The following NIM1K variants were observed in gnomAD, a reference collection of about 807,000 sequenced individuals.
The protein encoded by NIM1K is serine/threonine-protein kinase NIM1.
NIM1K carries 35 observed loss-of-function variants against 37.1 expected under a neutral mutation model. The ratio of observed to expected loss-of-function variants is 0.94; its 90% CI spans 0.72 to 1.25. The LOEUF is 1.25. Ranked by LOEUF, NIM1K falls within the 50% of genes most tolerant of loss-of-function variation. The pLI is 0.00. For missense variants in NIM1K, 564 were observed against 548.0 expected, an observed-to-expected ratio of 1.03 and a Z score of -0.29; for synonymous variants, 234 against 206.6, an observed-to-expected ratio of 1.13 and a Z score of -1.14.
chr5:43,280,639 G>A lies in NIM1K; in HGVS notation c.1221G>A (p.Met407Ile), dbSNP rs1396334831. Residue 407 changes from methionine to isoleucine, a missense_variant, in exon 4 of 4, where the codon ATG (methionine) becomes ATA (isoleucine). By Grantham distance (10) the Met-to-Ile change is conservative. Coordinates refer to ENST00000326035, the MANE Select transcript of NIM1K (RefSeq NM_153361.4). The stretch of plus-strand genomic sequence containing the variant: ...CTTTGGAAAGTGTCCCAGTCATGAT[G>A]CTACCAGACCCTAAAGAAAGAGACC... ...KKALESVPVM[M>I]LPDPKERDLK... 6.2e-6 allele frequency: 10 copies of A among 1,613,954 alleles called. No individual in the cohort carries two copies. Among genetic ancestry groups the A allele is most frequent in the Non-Finnish European group, 8.5e-6 (10 of 1,180,026 alleles).
intron 1 of NIM1K, among the ~76,000 whole-genome samples, chr5:43,240,608 A>G (rs1434320968): frequency 6.9e-6 from 1 of 145,664 alleles, no homozygotes; most frequent in East Asian, 2.0e-4. Context: ...CAGTGGCATG[A>G]TCTTGGCTCA....
chr5:43,273,334 G>T (rs997723751), intron 2 of NIM1K, among the ~76,000 whole-genome samples: 1 of 151,862 alleles, frequency 6.6e-6, no homozygotes, highest in Non-Finnish European at 1.5e-5. Context: ...CTCCCAAGTA[G>T]CCAGAATTAC....
chr5:43,242,635 T>C (rs2112258753), intron 1 of NIM1K, among the ~76,000 whole-genome samples: 1 of 152,024 alleles, frequency 6.6e-6, no homozygotes, highest in South Asian at 2.1e-4. Context: ...TAGGATAGTG[T>C]TAGTAGTTAA....
chr5:43,262,829 T>G (rs1311627000), intron 2 of NIM1K, among the ~76,000 whole-genome samples: 1 of 152,168 alleles, frequency 6.6e-6, no homozygotes, highest in Non-Finnish European at 1.5e-5. Context: ...GGTTGTTGAA[T>G]TTTGTCAAAG....
chr5:43,268,493 G>A (rs1753204310), intron 2 of NIM1K, among the ~76,000 whole-genome samples: 1 of 152,166 alleles, frequency 6.6e-6, no homozygotes, highest in Admixed American at 6.5e-5. Context: ...TCACTTCTGT[G>A]GGGCCACAGG....
chr5:43,270,163 A>G (rs1052845338), intron 2 of NIM1K, among the ~76,000 whole-genome samples: 3 of 152,208 alleles, frequency 2.0e-5, no homozygotes, highest in Non-Finnish European at 4.4e-5. Flanking sequence ...CTGTTTAAGG[A>G]GGCTAAAGAT....
rs782991 is a variant in NIM1K, at chr5:43,221,976, C to T, written c.-694-23106C>T. On this transcript the variant is annotated intron_variant, in intron 1 of 3. Transcript: ENST00000326035. ...AGATGCTCAGTAAATGTTGAATAAA[C>T]GGATGAAGCATTCTGTGGTTAGTGC... Among the ~76,000 whole-genome samples, 1,244 of 152,316 alleles carry T rather than the reference C, an allele frequency of 8.2e-3. 15 individuals are homozygous for T. The highest frequency in any genetic ancestry group is 0.023 in the African/African-American group (943 of 41,570).
Position 43,280,611 on chromosome 5 carries a change from A to G in NIM1K, c.1193A>G (p.Lys398Arg). The G allele has an allele frequency of 6.2e-7, 1 of 1,614,168 alleles. No individual in the cohort carries two copies. Among genetic ancestry groups the G allele is most frequent in the Middle Eastern group, 1.6e-4 (1 of 6,062 alleles). Residue 398 changes from lysine (K) to arginine (R), a missense_variant, in exon 4 of 4, where the codon AAG becomes AGG. Lys to Arg is a conservative substitution (Grantham distance 26). Coordinates refer to ENST00000326035, the MANE Select transcript of NIM1K (RefSeq NM_153361.4). The stretch of plus-strand genomic sequence containing the variant: ...ATTTTACATAGAGTCCAAAGGAAGA[A>G]GGCTTTGGAAAGTGTCCCAGTCATG... The part of the protein sequence containing the change: ...RIILHRVQRK[K>R]ALESVPVMML...
chr5:43,264,394 T>C (rs112904584), intron 2 of NIM1K, among the ~76,000 whole-genome samples: 429 of 152,324 alleles, frequency 2.8e-3, no homozygotes, highest in African/African-American at 9.1e-3. Flanking sequence ...TTTGTCTCTT[T>C]TGATCTTTGT....
intron 2 of NIM1K, among the ~76,000 whole-genome samples, chr5:43,250,612 A>G (rs905271984): frequency 2.6e-5 from 4 of 152,238 alleles, no homozygotes; most frequent in African/African-American, 9.6e-5. Flanking sequence ...TTGCTTTTCA[A>G]TAGTCTAGAG....
intron 3 of NIM1K, among the ~76,000 whole-genome samples, chr5:43,278,997 A>T (rs1427125046): frequency 6.6e-6 from 1 of 152,216 alleles, no homozygotes; most frequent in Non-Finnish European, 1.5e-5. Flanking sequence ...AGTCTTCCAC[A>T]TTCTACTTGG....
At chr5:43,198,211 T>TTCTTTC (rs1751958680) in intron 1 of NIM1K, among the ~76,000 whole-genome samples, 7 of 77,862 alleles carry the variant, frequency 9.0e-5, no homozygotes, top group African/African-American at 2.7e-4. Context: ...TTCTTTCTCT[T>TTCTTTC]TCTTTCTTTC....
chr5:43,214,091 C>T (rs1579959758), intron 1 of NIM1K, among the ~76,000 whole-genome samples: 2 of 151,996 alleles, frequency 1.3e-5, no homozygotes, highest in Admixed American at 1.3e-4. Context: ...AGGCATGAGC[C>T]ACCACACCCA....
Position 43,280,805 on chromosome 5 carries a change from GA to G in NIM1K, c.*77del. On this transcript the variant is annotated 3_prime_UTR_variant, in exon 4 of 4. Coordinates refer to ENST00000326035, the MANE Select transcript of NIM1K (RefSeq NM_153361.4). Reference sequence around the variant, plus strand: ...ATTTTTTTCAAGGACAACTTGAGTGGAGACATTTTTGTAATTTTTAAATAAA... The same window carrying G: ...ATTTTTTTCAAGGACAACTTGAGTGGGACATTTTTGTAATTTTTAAATAAA... 7.5e-7 allele frequency: 1 copy of G among 1,331,722 alleles called. No individual in the cohort carries two copies. Among genetic ancestry groups the G allele is most frequent in the South Asian group, 1.8e-5 (1 of 55,078 alleles). 82.5% of individuals were successfully genotyped at this position (1,331,722 alleles called of 1,614,324 possible).
intron 2 of NIM1K, among the ~76,000 whole-genome samples, chr5:43,246,843 T>C (rs1453301581): frequency 6.6e-6 from 1 of 152,124 alleles, no homozygotes; most frequent in Non-Finnish European, 1.5e-5. Context: ...CCAAGGTACC[T>C]GTAACTTAGC....
chr5:43,230,646 G>T (rs538557659), intron 1 of NIM1K, among the ~76,000 whole-genome samples: 40 of 152,252 alleles, frequency 2.6e-4, no homozygotes, highest in African/African-American at 8.9e-4. Context: ...CACAATATTT[G>T]GGGGGCAGGG....
intron 2 of NIM1K, among the ~76,000 whole-genome samples, chr5:43,253,588 G>A (rs1752900146): frequency 6.6e-6 from 1 of 152,054 alleles, no homozygotes; most frequent in Admixed American, 6.6e-5. Context: ...GAGATAAGGT[G>A]GATGGGGCTT....
chr5:43,228,209 C>G (rs1469230815), intron 1 of NIM1K, among the ~76,000 whole-genome samples: 1 of 151,774 alleles, frequency 6.6e-6, no homozygotes, highest in Non-Finnish European at 1.5e-5. Flanking sequence ...TGCAGTGGCA[C>G]AATCTTGGCT....
intron 2 of NIM1K, among the ~76,000 whole-genome samples, chr5:43,253,578 G>T (rs1752900066): frequency 6.6e-6 from 1 of 152,092 alleles, no homozygotes; most frequent in Admixed American, 6.6e-5. Context: ...TCATGGGAAA[G>T]AGATAAGGTG....
Sources: gnomAD v4.1 joint callset for allele counts (sites outside exome capture counted in the v4.1 genomes callset) on GRCh38, gnomAD v4.1.1 for gene constraint, MANE v1.5 for transcripts, NCBI Gene and HGNC (gene_info 2026-07-23, HGNC 2026-07-21) for gene names.